The following ABLIM2 variants were observed in gnomAD, a reference collection of about 807,000 sequenced individuals.
ABLIM2 encodes the protein actin-binding LIM protein 2.
A neutral mutation model predicts 97.7 loss-of-function variants in ABLIM2; 53 were observed. That is an observed-to-expected ratio of 0.54 (90% confidence interval 0.44 to 0.68). The LOEUF (loss-of-function observed/expected upper bound fraction) is 0.68, where lower values mean the gene tolerates loss of function less well. ABLIM2 is among the 30% of genes least tolerant of loss of function. The pLI, the probability that ABLIM2 is intolerant of heterozygous loss-of-function variation, is 0.00. For synonymous variants in ABLIM2, 361 were observed against 345.8 expected, an observed-to-expected ratio of 1.04 and a Z score of -0.49; for missense variants, 835 against 867.2, an observed-to-expected ratio of 0.96 and a Z score of 0.47.
At chr4:8,034,107 G>A (rs539597938) in intron 10 of ABLIM2, among the ~76,000 whole-genome samples, 4 of 152,290 alleles carry the variant, frequency 2.6e-5, no homozygotes, top group African/African-American at 9.6e-5. Context: ...TGGTCTTTGC[G>A]GGGAAGAAGG....
chr4:8,138,066 G>C (rs1578469644), intron 1 of ABLIM2, among the ~76,000 whole-genome samples: 1 of 152,244 alleles, frequency 6.6e-6, no homozygotes, highest in African/African-American at 2.4e-5. Flanking sequence ...CCCAGTCACA[G>C]AGGGCAAATA....
At chr4:8,157,503 C>CCGG (rs1715743059) in intron 1 of ABLIM2, among the ~76,000 whole-genome samples, 2 of 152,214 alleles carry the variant, frequency 1.3e-5, no homozygotes, top group African/African-American at 4.8e-5. Context: ...CCAAAGGCTC[C>CCGG]CGGCAACGCC....
chr4:8,122,688 A>G lies in ABLIM2; in HGVS notation c.11-16051T>C, dbSNP rs112642969. ...GAACATTCACTTCTTAACACCATCC[A>G]CTGTCAGACCCTACATGGTACTTGC... On this transcript the variant is annotated intron_variant, in intron 1 of 20. Coordinates refer to ENST00000447017, the MANE Select transcript of ABLIM2 (RefSeq NM_001130083.2). The surrounding 1 kb of genome is among the most constrained non-coding windows in gnomAD (Gnocchi z 4.1). 3.4e-4 allele frequency among the ~76,000 whole-genome samples: 51 copies of G among 152,134 alleles called. No individual in the cohort carries two copies. The highest frequency in any genetic ancestry group is 1.2e-3 in the African/African-American group (48 of 41,514).
chr4:8,132,030 G>A lies in ABLIM2; in HGVS notation c.11-25393C>T, dbSNP rs1578433886. Among the ~76,000 whole-genome samples, 5 of 152,244 alleles carry A rather than the reference G, an allele frequency of 3.3e-5. No individual in the cohort carries two copies. The highest frequency in any genetic ancestry group is 9.6e-5 in the African/African-American group (4 of 41,528). On this transcript the variant is annotated intron_variant, in intron 1 of 20. Transcript: ENST00000447017. This position sits in a 1 kb window ranked among gnomAD's most constrained non-coding sequence, Gnocchi z 8.0. ...GCCCGCATCCCCTGCACGGCAGCCT[G>A]CATCCCCGAGCACAGCTGTGCCGGC...
intron 17 of ABLIM2, 69 bp from the exon 18 acceptor site, chr4:7,984,962 AGGAGATGT>A: frequency 6.5e-7 from 1 of 1,537,924 alleles, no homozygotes; most frequent in South Asian, 1.2e-5. Flanking sequence ...GGCAGGGACC[AGGAGATGT>A]GGCCCCTTGG....
In ABLIM2 at chr4:8,005,679, C is replaced by T. The variant is rs982934168; in HGVS notation, c.1618+2380G>A. 6.6e-6 allele frequency among the ~76,000 whole-genome samples: 1 copy of T among 152,216 alleles called. No individual in the cohort carries two copies. The highest frequency in any genetic ancestry group is 2.4e-5 in the African/African-American group (1 of 41,456). On this transcript the variant is annotated intron_variant, in intron 16 of 20. Transcript: ENST00000447017. This position sits in a 1 kb window ranked among gnomAD's most constrained non-coding sequence, Gnocchi z 4.9. ...CAGCCGGCAGTCTGGGTCCTCGCTG[C>T]CATTTCCATGCAAATCGGGAAACAA...
intron 20 of ABLIM2, among the ~76,000 whole-genome samples, 166 bp downstream of exon 20, chr4:7,983,098 T>C (rs1740141956): frequency 1.3e-5 from 2 of 152,162 alleles, no homozygotes; most frequent in South Asian, 4.1e-4. Flanking sequence ...CATCACCACA[T>C]CGTTTGGCCT....
chr4:7,968,864 G>A (rs1007767593), intron 20 of ABLIM2, among the ~76,000 whole-genome samples: 1 of 152,218 alleles, frequency 6.6e-6, no homozygotes, highest in Admixed American at 6.5e-5. Flanking sequence ...AAATGGGCCG[G>A]GGGTGGCAGC....
chr4:8,027,370 G>A (rs1209399461), intron 12 of ABLIM2, among the ~76,000 whole-genome samples: 3 of 152,116 alleles, frequency 2.0e-5, no homozygotes, highest in East Asian at 1.9e-4. Context: ...AGGGCCCTCC[G>A]TACAGCGTAG....
intron 17 of ABLIM2, among the ~76,000 whole-genome samples, chr4:7,991,018 C>G (rs1012212971): frequency 5.9e-5 from 9 of 152,344 alleles, no homozygotes; most frequent in Admixed American, 2.0e-4. Context: ...AGCACGCCAG[C>G]TAACGCTCTC....
At chr4:8,041,137 C>T (rs191486293) in intron 9 of ABLIM2, among the ~76,000 whole-genome samples, 6 of 152,362 alleles carry the variant, frequency 3.9e-5, no homozygotes, top group Admixed American at 3.3e-4. Context: ...CAGTGCACCA[C>T]GCTGCAGTTG....
In ABLIM2 at chr4:8,009,056, G is replaced by A. The variant is rs946119919; in HGVS notation, c.1470C>T (p.Asn490=). ...ATCTGCTCCCTGGCATTACCTTCCT[G>A]TTATCCTGGTCCAAGCTTCCATCCT... ...DGEDGSLDQD[N]RKQKSSWLML... Residue 490 remains asparagine, a synonymous_variant, in exon 15 of 21, where the codon AAC becomes AAT. Coordinates refer to ENST00000447017, the MANE Select transcript of ABLIM2 (RefSeq NM_001130083.2). 3.1e-6 allele frequency: 5 copies of A among 1,614,016 alleles called. No homozygotes were observed. The highest frequency in any genetic ancestry group is 1.7e-5 in the Admixed American group (1 of 60,028).
chr4:8,064,048 G>A (rs1332478913), intron 6 of ABLIM2, among the ~76,000 whole-genome samples: 4 of 152,316 alleles, frequency 2.6e-5, no homozygotes, highest in South Asian at 2.1e-4. Flanking sequence ...TGTGCAGTCC[G>A]ATCCTAGCCA....
intron 4 of ABLIM2, among the ~76,000 whole-genome samples, chr4:8,081,383 C>T (rs922973418): frequency 2.2e-4 from 33 of 152,206 alleles, no homozygotes; most frequent in African/African-American, 8.0e-4. Context: ...GCCCTGCTCA[C>T]TTGTCCTGTG....
chr4:8,018,630 T>C (rs879660157), intron 14 of ABLIM2, among the ~76,000 whole-genome samples: 2 of 152,210 alleles, frequency 1.3e-5, no homozygotes, highest in Non-Finnish European at 2.9e-5. Context: ...TTTTAAAAGT[T>C]TGTATAACCT....
chr4:7,983,164 C>T (rs986397282), intron 20 of ABLIM2, 100 bp downstream of exon 20: 65 of 1,259,082 alleles, frequency 5.2e-5, no homozygotes, highest in East Asian at 3.5e-4. Flanking sequence ...CTGTCCCCCA[C>T]GGTGGCCCCT....
intron 16 of ABLIM2, among the ~76,000 whole-genome samples, chr4:7,997,745 C>G (rs1359682196): frequency 6.6e-6 from 1 of 152,122 alleles, no homozygotes; most frequent in African/African-American, 2.4e-5. Flanking sequence ...CCTGAGACCC[C>G]CTCATCAGCT....
rs145820339 is a variant in ABLIM2 at position 8,047,131 on chromosome 4, G to A, written c.823-1890C>T. On this transcript the variant is annotated intron_variant, in intron 8 of 20. Transcript: ENST00000447017. ...ACATCAGCGCCGGATGTGGGGCCAC[G>A]TGCAGCAGCAGGAGGACAACCCTGT... Among the ~76,000 whole-genome samples, 308 of 152,332 alleles carry A rather than the reference G, an allele frequency of 2.0e-3. 1 individual carries two copies. Among genetic ancestry groups the A allele is most frequent in the Non-Finnish European group, 3.6e-3 (247 of 68,018 alleles).
chr4:8,109,550 C>T (rs1020314986), intron 1 of ABLIM2, among the ~76,000 whole-genome samples: 28 of 152,184 alleles, frequency 1.8e-4, no homozygotes, highest in Admixed American at 1.6e-3. Context: ...CCCCACATCC[C>T]GGAAGCCACC....
Sources: gnomAD v4.1 joint callset for allele counts (sites outside exome capture counted in the v4.1 genomes callset) on GRCh38, gnomAD v4.1.1 for gene constraint, Gnocchi (gnomAD v3.1) non-coding constraint, MANE v1.5 for transcripts, NCBI Gene and HGNC (gene_info 2026-07-23, HGNC 2026-07-21) for gene names.